Variants in SYNPR observed in about 807,000 individuals in gnomAD.
The protein encoded by SYNPR is synaptoporin.
A neutral mutation model predicts 32.9 loss-of-function variants in SYNPR; 23 were observed. The observed-to-expected ratio is 0.70, with a 90% CI of 0.50 to 0.99. The LOEUF is 0.99. Among genes scored for constraint, SYNPR ranks in the 50% least tolerant of loss-of-function variants. The probability of loss-of-function intolerance (pLI) is 0.00; values close to 1 mark genes in which losing one functional copy is unlikely to be tolerated. For synonymous variants in SYNPR, 146 were observed against 135.9 expected (o/e 1.07, Z -0.52); for missense variants, 318 against 349.3 (o/e 0.91, Z 0.71).
At chr3:63,448,797 A>G (rs530707756) in intron 2 of SYNPR, among the ~76,000 whole-genome samples, 90 of 152,256 alleles carry the variant, frequency 5.9e-4, no homozygotes, top group Non-Finnish European at 1.5e-5. Context: ...TCATTTTTCC[A>G]TTTTCTCACC....
chr3:63,543,921 A>C (rs1702351768), intron 3 of SYNPR, among the ~76,000 whole-genome samples: 1 of 152,050 alleles, frequency 6.6e-6, no homozygotes, highest in Non-Finnish European at 1.5e-5. Flanking sequence ...CTTGGGAATA[A>C]GGTGGGTGGC....
At chr3:63,539,027 T>G (rs1184817156) in intron 3 of SYNPR, among the ~76,000 whole-genome samples, 3 of 152,138 alleles carry the variant, frequency 2.0e-5, no homozygotes, top group African/African-American at 7.2e-5. Context: ...TTAACTAGAT[T>G]CCTGATTTGC....
At chr3:63,491,722 TG>T (rs377691417) in intron 3 of SYNPR, among the ~76,000 whole-genome samples, 10 of 151,934 alleles carry the variant, frequency 6.6e-5, no homozygotes, top group Non-Finnish European at 1.0e-4. Context: ...GGTTTCACCA[TG>T]TTGGCCATGC....
At chr3:63,550,885 C>G (rs938865635) in intron 3 of SYNPR, among the ~76,000 whole-genome samples, 1 of 152,220 alleles carries the variant, frequency 6.6e-6, no homozygotes, top group African/African-American at 2.4e-5. Context: ...CCCCCAGCTA[C>G]TTTTCCACCC....
At chr3:63,562,762 G>A (rs11712528) in intron 4 of SYNPR, among the ~76,000 whole-genome samples, 54,363 of 152,040 alleles carry the variant, frequency 0.36, 9,953 homozygotes, top group South Asian at 0.47. Context: ...CAGAGAAGAA[G>A]TTAATAGCAG....
intron 3 of SYNPR, among the ~76,000 whole-genome samples, chr3:63,496,447 T>C (rs1701375415): frequency 6.6e-6 from 1 of 152,084 alleles, no homozygotes; most frequent in South Asian, 2.1e-4. Context: ...GACAGTTAGG[T>C]TATTTTGGTT....
At chr3:63,501,494 CAAAA>C (rs377290258) in intron 3 of SYNPR, among the ~76,000 whole-genome samples, 1,499 of 96,596 alleles carry the variant, frequency 0.016, 16 homozygotes, top group African/African-American at 0.056. Flanking sequence ...CTCCCCCAAC[CAAAA>C]AAAAAAAAAA....
chr3:63,500,189 C>T (rs1480881257), intron 3 of SYNPR, among the ~76,000 whole-genome samples: 1 of 152,122 alleles, frequency 6.6e-6, no homozygotes, highest in Non-Finnish European at 1.5e-5. Context: ...AGTAAAAACT[C>T]ACTTTTGTAA....
chr3:63,373,996 A>G (rs915329628), intron 2 of SYNPR, among the ~76,000 whole-genome samples: 4 of 152,192 alleles, frequency 2.6e-5, no homozygotes, highest in Admixed American at 2.6e-4. Flanking sequence ...TCATAAATGA[A>G]GGAGGAATCA....
chr3:63,494,436 TATATATATATACAC>T (rs1701324343), intron 3 of SYNPR, among the ~76,000 whole-genome samples: 4 of 92,208 alleles, frequency 4.3e-5, no homozygotes, highest in African/African-American at 2.1e-4. Context: ...TATATATACG[TATATATATATACAC>T]ATATATATAC....
chr3:63,281,427 A>G (rs887820172), intron 2 of SYNPR, among the ~76,000 whole-genome samples: 2 of 152,226 alleles, frequency 1.3e-5, no homozygotes, highest in Admixed American at 1.3e-4. Context: ...GCTATAACAA[A>G]ACACCATAAA....
At chr3:63,361,083 T>C (rs1480588807) in intron 2 of SYNPR, among the ~76,000 whole-genome samples, 2 of 152,218 alleles carry the variant, frequency 1.3e-5, no homozygotes, top group Non-Finnish European at 2.9e-5. Context: ...TGCAACTATC[T>C]TTTACATTTC....
chr3:63,409,748 A>G (rs1240154584), intron 2 of SYNPR, among the ~76,000 whole-genome samples: 1 of 152,194 alleles, frequency 6.6e-6, no homozygotes, highest in Non-Finnish European at 1.5e-5. Context: ...GAGATTCAGA[A>G]AAGTTAAGGC....
At chr3:63,420,565 C>A (rs769572129) in intron 2 of SYNPR, among the ~76,000 whole-genome samples, 3 of 151,928 alleles carry the variant, frequency 2.0e-5, no homozygotes, top group South Asian at 2.1e-4. Context: ...AATTAAAGAC[C>A]TAATTGTGAA....
At chr3:63,494,405 A>ATATATACACACG (rs1427127802) in intron 3 of SYNPR, among the ~76,000 whole-genome samples, 1 of 53,226 alleles carries the variant, frequency 1.9e-5, no homozygotes, top group African/African-American at 1.0e-4. Flanking sequence ...ATATATATAT[A>ATATATACACACG]TATATATATA....
At chr3:63,220,410 T>C in the SYNPR span, among the ~76,000 whole-genome samples, 131 of 152,266 alleles carry the variant, frequency 8.6e-4, no homozygotes, top group African/African-American at 3.0e-3. Context: ...CCTGGGGCTG[T>C]CCTTGAAGTC....
chr3:63,291,588 G>A (rs2086739227), intron 2 of SYNPR, among the ~76,000 whole-genome samples: 1 of 139,760 alleles, frequency 7.2e-6, no homozygotes, highest in African/African-American at 2.7e-5. Context: ...AACTTTTGTT[G>A]TCAGATTCAT....
intron 2 of SYNPR, among the ~76,000 whole-genome samples, chr3:63,336,789 C>G (rs1339525349): frequency 6.6e-6 from 1 of 151,862 alleles, no homozygotes; most frequent in Non-Finnish European, 1.5e-5. Context: ...CTGTGAAAGA[C>G]ACTGTTAAGG....
chr3:63,318,591 A>G (rs1435719020), intron 2 of SYNPR, among the ~76,000 whole-genome samples: 1 of 151,862 alleles, frequency 6.6e-6, no homozygotes, highest in African/African-American at 2.4e-5. Context: ...AGTGTGCCCA[A>G]AGTTTCCTGA....
Sources: allele counts gnomAD v4.1 joint callset (sites outside exome capture counted in the v4.1 genomes callset), GRCh38; gene constraint gnomAD v4.1.1; transcripts MANE v1.5; gene names NCBI Gene and HGNC (gene_info 2026-07-23, HGNC 2026-07-21).